The following PPFIA2 variants were observed in gnomAD, a reference collection of about 807,000 sequenced individuals.
The protein encoded by PPFIA2 is liprin-alpha-2.
Under a neutral mutation model 175.5 loss-of-function variants are expected in PPFIA2, and 46 were observed. That is an observed-to-expected ratio of 0.26 (90% CI 0.21 to 0.34). The LOEUF (loss-of-function observed/expected upper bound fraction) is 0.34. PPFIA2 is among the 10% of genes least tolerant of loss of function. PPFIA2 has a pLI of 1.00. For missense variants in PPFIA2, 1,179 were observed against 1,506.1 expected, an observed-to-expected ratio of 0.78 and a Z score of 3.60; for synonymous variants, 568 against 511.4, an observed-to-expected ratio of 1.11 and a Z score of -1.49.
intron 13 of PPFIA2, 52 bp downstream of exon 13, chr12:81,368,673 A>T: frequency 6.5e-7 from 1 of 1,542,704 alleles, no homozygotes; most frequent in East Asian, 2.3e-5. Context: ...TATATAAAAC[A>T]AACATGAGCA....
chr12:81,621,552 G>T (rs925714061), intron 4 of PPFIA2, among the ~76,000 whole-genome samples: 1 of 152,198 alleles, frequency 6.6e-6, no homozygotes, highest in Non-Finnish European at 1.5e-5. Context: ...TAGAGGGGAA[G>T]AAGCTAGTTG....
intron 4 of PPFIA2, among the ~76,000 whole-genome samples, chr12:81,585,034 ATTTATATATAATAT>A (rs2075092175): frequency 1.3e-5 from 1 of 78,388 alleles, no homozygotes; most frequent in Non-Finnish European, 2.5e-5. Flanking sequence ...TATTAATTAT[ATTTATATATAATAT>A]ATTATATAAT....
intron 7 of PPFIA2, among the ~76,000 whole-genome samples, chr12:81,417,958 A>G (rs1431123167): frequency 6.6e-6 from 1 of 151,806 alleles, no homozygotes; most frequent in Non-Finnish European, 1.5e-5. Flanking sequence ...ATCTAAAAAG[A>G]CCACAATGAC....
chr12:81,668,677 G>C (rs1304282371), intron 4 of PPFIA2, among the ~76,000 whole-genome samples: 1 of 151,922 alleles, frequency 6.6e-6, no homozygotes, highest in Non-Finnish European at 1.5e-5. Flanking sequence ...GAGTCATCTG[G>C]TCTTCTCTAA....
intron 3 of PPFIA2, among the ~76,000 whole-genome samples, chr12:81,677,323 A>G (rs1257542193): frequency 6.6e-6 from 1 of 151,926 alleles, no homozygotes; most frequent in African/African-American, 2.4e-5. Context: ...CACCTCAAAC[A>G]TTTATCATTT....
chr12:81,704,656 C>A (rs1292784186), intron 3 of PPFIA2, among the ~76,000 whole-genome samples: 1 of 152,036 alleles, frequency 6.6e-6, no homozygotes, highest in Non-Finnish European at 1.5e-5. Context: ...CATATACTTG[C>A]ACATACAAGG....
intron 4 of PPFIA2, among the ~76,000 whole-genome samples, chr12:81,496,666 A>G (rs1441354884): frequency 2.0e-5 from 3 of 152,196 alleles, no homozygotes; most frequent in East Asian, 3.8e-4. Flanking sequence ...TTTAATATAC[A>G]AGATCAGAGA....
At chr12:81,361,058 C>G (rs1311978315) in intron 15 of PPFIA2, among the ~76,000 whole-genome samples, 1 of 151,614 alleles carries the variant, frequency 6.6e-6, no homozygotes, top group Non-Finnish European at 1.5e-5. Flanking sequence ...AGGGTTCCTT[C>G]CACTACAATC....
chr12:81,725,011 T>C (rs1366334437), intron 3 of PPFIA2, among the ~76,000 whole-genome samples: 1 of 151,016 alleles, frequency 6.6e-6, no homozygotes, highest in African/African-American at 2.4e-5. Flanking sequence ...GACTTTTAAT[T>C]ATAGCCATTC....
At chr12:81,637,043 A>T (rs1595862806) in intron 4 of PPFIA2, among the ~76,000 whole-genome samples, 1 of 151,442 alleles carries the variant, frequency 6.6e-6, no homozygotes. Flanking sequence ...CTAAGAACAC[A>T]TCTTATAATT....
intron 7 of PPFIA2, among the ~76,000 whole-genome samples, chr12:81,416,640 T>G (rs2045321114): frequency 1.3e-5 from 2 of 151,730 alleles, no homozygotes. Context: ...AGTACTTCTT[T>G]GTACAGAATG....
At chr12:81,442,834 T>A (rs1337892842) in intron 6 of PPFIA2, among the ~76,000 whole-genome samples, 1 of 124,280 alleles carries the variant, frequency 8.0e-6, no homozygotes, top group Non-Finnish European at 1.7e-5. Flanking sequence ...GTTAATTGCA[T>A]CTTTTTCTGA....
At chr12:81,732,355 A>G (rs903725726) in intron 3 of PPFIA2, among the ~76,000 whole-genome samples, 1 of 151,628 alleles carries the variant, frequency 6.6e-6, no homozygotes, top group Non-Finnish European at 1.5e-5. Context: ...TTAATAATAA[A>G]TAACACTTTA....
chr12:81,523,611 C>A, intron 4 of PPFIA2, among the ~76,000 whole-genome samples: 1 of 152,038 alleles, frequency 6.6e-6, no homozygotes, highest in Admixed American at 6.6e-5. Flanking sequence ...TAATAGAACC[C>A]TCTAATAAAA....
intron 3 of PPFIA2, among the ~76,000 whole-genome samples, chr12:81,678,224 C>T (rs1375281375): frequency 6.6e-6 from 1 of 151,452 alleles, no homozygotes; most frequent in Admixed American, 6.6e-5. Context: ...TAATTAAGTC[C>T]CAATTGAAGT....
intron 4 of PPFIA2, among the ~76,000 whole-genome samples, chr12:81,636,288 C>T (rs1227474430): frequency 8.2e-6 from 1 of 122,016 alleles, no homozygotes; most frequent in African/African-American, 3.1e-5. Context: ...TTTTTTGAGA[C>T]GGAGTCTCGC....
intron 4 of PPFIA2, among the ~76,000 whole-genome samples, chr12:81,497,426 G>A (rs1231595584): frequency 6.6e-6 from 1 of 151,282 alleles, no homozygotes; most frequent in Non-Finnish European, 1.5e-5. Context: ...TACACTTTTG[G>A]TATATGAGTT....
chr12:81,575,241 T>C (rs2073301226), intron 4 of PPFIA2, among the ~76,000 whole-genome samples: 1 of 151,804 alleles, frequency 6.6e-6, no homozygotes, highest in Non-Finnish European at 1.5e-5. Flanking sequence ...TATATGTATT[T>C]AAGATATCTG....
chr12:81,339,424 G>T, intron 20 of PPFIA2, 90 bp from the exon 21 acceptor site: 1 of 1,037,530 alleles, frequency 9.6e-7, no homozygotes, highest in Non-Finnish European at 1.3e-6. Flanking sequence ...GGAGGAACAA[G>T]CAGACTTGTA....
Sources: gnomAD v4.1 joint callset for allele counts (sites outside exome capture counted in the v4.1 genomes callset) on GRCh38, gnomAD v4.1.1 for gene constraint, MANE v1.5 for transcripts, NCBI Gene and HGNC (gene_info 2026-07-23, HGNC 2026-07-21) for gene names.